Variants in RABL3 observed in about 807,000 individuals in gnomAD.
RABL3 encodes RAB, member of RAS oncogene family like 3.
RABL3 carries 31 observed loss-of-function variants against 31.8 expected under a neutral mutation model. That is an observed-to-expected ratio of 0.97 (90% CI 0.73 to 1.31). The LOEUF (loss-of-function observed/expected upper bound fraction) is 1.31. Ranked by LOEUF, RABL3 falls within the 40% of genes most tolerant of loss-of-function variation. The pLI is 0.00. For missense variants in RABL3, 263 were observed against 279.6 expected (o/e 0.94, Z 0.42); for synonymous variants, 97 against 99.9 (o/e 0.97, Z 0.18).
rs73181949 is a variant in RABL3 at position 120,730,477 on chromosome 3, A to C, written c.138+219T>G. 0.021 allele frequency among the ~76,000 whole-genome samples: 3,237 copies of C among 150,968 alleles called. 53 individuals carry two copies. The highest frequency in any genetic ancestry group is 0.055 in the Middle Eastern group (16 of 292). On this transcript the variant is annotated intron_variant, in intron 2 of 7. Coordinates refer to ENST00000273375, the MANE Select transcript of RABL3 (RefSeq NM_173825.5). Reference sequence around the variant, plus strand: ...CATCAGAAAAACTGTTCAAATCTTGACTCTGCCTTAGTTTCTGCATCTACA... The same window carrying C: ...CATCAGAAAAACTGTTCAAATCTTGCCTCTGCCTTAGTTTCTGCATCTACA...
At chr3:120,711,826 T>C (rs574501822) in intron 2 of RABL3, among the ~76,000 whole-genome samples, 14 of 152,282 alleles carry the variant, frequency 9.2e-5, no homozygotes, top group Admixed American at 7.8e-4. Context: ...TTTTGAACAA[T>C]TCTCCAAACG....
intron 2 of RABL3, among the ~76,000 whole-genome samples, chr3:120,719,202 A>G (rs909423430): frequency 3.3e-5 from 5 of 152,204 alleles, no homozygotes; most frequent in African/African-American, 1.2e-4. Context: ...TGACCATAAA[A>G]CTGGACGTGG....
intron 1 of RABL3, among the ~76,000 whole-genome samples, chr3:120,738,204 G>T (rs990204605): frequency 1.3e-5 from 2 of 152,232 alleles, no homozygotes; most frequent in African/African-American, 4.8e-5. Flanking sequence ...CTTCATCAAT[G>T]GCGGGCGCCC....
At chr3:120,691,879 C>A (rs1400610493) in intron 6 of RABL3, among the ~76,000 whole-genome samples, 2 of 152,260 alleles carry the variant, frequency 1.3e-5, no homozygotes, top group South Asian at 2.1e-4. Context: ...ACCATTCATC[C>A]AGATCCAAGA....
chr3:120,723,372 AG>A (rs1708773162), intron 2 of RABL3, among the ~76,000 whole-genome samples: 2 of 152,244 alleles, frequency 1.3e-5, no homozygotes, highest in African/African-American at 4.8e-5. Flanking sequence ...CAGAGGTACA[AG>A]GAGGAGCTGG....
At chr3:120,691,215 C>A (rs761452957) in intron 6 of RABL3, among the ~76,000 whole-genome samples, 2 of 152,168 alleles carry the variant, frequency 1.3e-5, no homozygotes, top group Non-Finnish European at 2.9e-5. Context: ...CCCAAAACTG[C>A]TGTAAACCCT....
chr3:120,742,643 A>C, upstream of RABL3: 4 of 854,798 alleles, frequency 4.7e-6, no homozygotes, highest in Admixed American at 2.1e-5. Context: ...CACTGAACTC[A>C]TTGGCTGGTC....
chr3:120,709,236 C>T (rs1396688991), intron 3 of RABL3, among the ~76,000 whole-genome samples: 4 of 151,990 alleles, frequency 2.6e-5, no homozygotes, highest in Admixed American at 1.3e-4. Flanking sequence ...GAAATTATGT[C>T]GTATATTACA....
chr3:120,714,405 CA>C (rs1708644951), intron 2 of RABL3, among the ~76,000 whole-genome samples: 1 of 152,128 alleles, frequency 6.6e-6, no homozygotes, highest in African/African-American at 2.4e-5. Flanking sequence ...AGGTATGTAA[CA>C]TATGTATTGA....
intron 1 of RABL3, among the ~76,000 whole-genome samples, chr3:120,732,489 T>A (rs1309889159): frequency 6.6e-6 from 1 of 152,224 alleles, no homozygotes; most frequent in African/African-American, 2.4e-5. Context: ...AAAAAAATGA[T>A]GCCATCTGTT....
At chr3:120,724,334 T>C (rs1422881145) in intron 2 of RABL3, among the ~76,000 whole-genome samples, 1 of 152,202 alleles carries the variant, frequency 6.6e-6, no homozygotes. Context: ...TCCATGCTCA[T>C]GGGTAGGCAG....
chr3:120,740,604 A>G (rs59166075), intron 1 of RABL3, among the ~76,000 whole-genome samples: 2,774 of 152,298 alleles, frequency 0.018, 91 homozygotes, highest in African/African-American at 0.064. Context: ...AAAATTTTAT[A>G]AGGGAAATGG....
At chr3:120,698,660 T>A in intron 4 of RABL3, 87 bp from the exon 5 acceptor site, 1 of 1,139,612 alleles carries the variant, frequency 8.8e-7, no homozygotes, top group Non-Finnish European at 1.2e-6. Context: ...GTTACACTAT[T>A]TTACTGAAAA....
chr3:120,708,682 C>T (rs567506960), intron 3 of RABL3, among the ~76,000 whole-genome samples: 1 of 152,066 alleles, frequency 6.6e-6, no homozygotes, highest in African/African-American at 2.4e-5. Flanking sequence ...GCATTCTATT[C>T]ATATATACCA....
chr3:120,732,581 T>C (rs571773169), intron 1 of RABL3, among the ~76,000 whole-genome samples: 3 of 152,330 alleles, frequency 2.0e-5, no homozygotes, highest in African/African-American at 7.2e-5. Context: ...TTTATTATTA[T>C]ACTTTAAGTT....
In RABL3 at chr3:120,686,285, A is replaced by G. The variant is rs1364686812; in HGVS notation, c.*3538T>C. Among the ~76,000 whole-genome samples, 1 of 152,196 alleles carries G rather than the reference A, an allele frequency of 6.6e-6. No homozygotes were observed. The highest frequency in any genetic ancestry group is 1.9e-4 in the East Asian group (1 of 5,200). On this transcript the variant is annotated 3_prime_UTR_variant, in exon 8 of 8. Transcript: ENST00000273375. ...CCTGTTAGACCTTTAAACTTCTTAA[A>G]ATATGATGTCACCTGTGCTTTAAAA... is the stretch of plus-strand genomic sequence containing the variant.
rs201502529 is a variant in RABL3 at position 120,730,759 on chromosome 3, G to C, written c.75C>G (p.Leu25=). The C allele has an allele frequency of 3.7e-6, 6 of 1,613,636 alleles. No homozygotes were observed. Among genetic ancestry groups the C allele is most frequent in the Non-Finnish European group, 5.1e-6 (6 of 1,179,716 alleles). The stretch of plus-strand genomic sequence containing the variant: ...TTCCCAGCACTTGATTTTGGCATAG[G>C]AGATGGACTAACGAAGATTTCCCAA... The part of the protein sequence containing the change: ...SGVGKSSLVH[L]LCQNQVLGNP... Residue 25 remains leucine, a synonymous_variant, in exon 2 of 8, where the codon CTC becomes CTG. Coordinates refer to ENST00000273375, the MANE Select transcript of RABL3 (RefSeq NM_173825.5).
rs925571409 is a variant in RABL3 at position 120,688,137 on chromosome 3, A to G, written c.*1686T>C. 2.0e-5 allele frequency: 3 copies of G among 152,464 alleles called. No homozygotes were observed. The highest frequency in any genetic ancestry group is 2.0e-4 in the Admixed American group (3 of 15,274). The allele number at this position is 152,464 out of a possible 1,614,324, so 9.4% of individuals were successfully genotyped here. On this transcript the variant is annotated 3_prime_UTR_variant, in exon 8 of 8. Transcript: ENST00000273375. ...ATAGAAAATAAAAAAATCAGGATGAATTTTTTTAAAATTAAAAGAAAGAGG... is the reference window on the plus strand; with the variant it reads ...ATAGAAAATAAAAAAATCAGGATGAGTTTTTTTAAAATTAAAAGAAAGAGG...
chr3:120,725,248 T>C (rs1409065132), intron 2 of RABL3, among the ~76,000 whole-genome samples: 2 of 152,214 alleles, frequency 1.3e-5, no homozygotes, highest in African/African-American at 2.4e-5. Context: ...CACATTGAGA[T>C]ACCATTTCAC....
Sources: allele counts gnomAD v4.1 joint callset (sites outside exome capture counted in the v4.1 genomes callset), GRCh38; gene constraint gnomAD v4.1.1; transcripts MANE v1.5; gene names NCBI Gene and HGNC (gene_info 2026-07-23, HGNC 2026-07-21).